Variants in ANKS1A observed in about 807,000 individuals in gnomAD.
The protein encoded by ANKS1A is ankyrin repeat and sterile alpha motif domain containing 1A.
In ANKS1A, 55 loss-of-function variants were observed where a neutral mutation model predicts 120.3. The ratio of observed to expected loss-of-function variants is 0.46; its 90% CI spans 0.37 to 0.57. ANKS1A has a LOEUF of 0.57. Ranked by LOEUF, ANKS1A falls within the 20% of genes least tolerant of loss-of-function variation. The probability of loss-of-function intolerance (pLI) is 0.00; values close to 1 mark genes in which losing one functional copy is unlikely to be tolerated. For missense variants in ANKS1A, 1,123 were observed against 1,480.3 expected, an observed-to-expected ratio of 0.76 and a Z score of 3.96; for synonymous variants, 590 against 604.7, an observed-to-expected ratio of 0.98 and a Z score of 0.36.
At chr6:34,975,252 G>A (rs572380645) in intron 3 of ANKS1A, among the ~76,000 whole-genome samples, 1 of 152,056 alleles carries the variant, frequency 6.6e-6, no homozygotes, top group African/African-American at 2.4e-5. Flanking sequence ...TCAGGGATTC[G>A]AGACCAGCCT....
intron 11 of ANKS1A, among the ~76,000 whole-genome samples, chr6:35,034,733 A>T (rs1346328777): frequency 6.6e-6 from 1 of 152,242 alleles, no homozygotes; most frequent in African/African-American, 2.4e-5. Flanking sequence ...GTGCTAGAAA[A>T]GGAAATAAAA....
At chr6:34,893,881 CAAAT>C (rs969953643) in intron 1 of ANKS1A, among the ~76,000 whole-genome samples, 5 of 151,644 alleles carry the variant, frequency 3.3e-5, no homozygotes, top group African/African-American at 9.7e-5. Context: ...TGTTAGCCAT[CAAAT>C]AAAGATTAAA....
rs1313706265 is a variant in ANKS1A, at chr6:34,924,130, T to TG, written c.197+34531_197+34532insG. Among the ~76,000 whole-genome samples the TG allele has an allele frequency of 2.0e-3, 299 of 150,306 alleles. 2 individuals are homozygous for TG. Among genetic ancestry groups the TG allele is most frequent in the African/African-American group, 6.9e-3 (282 of 40,654 alleles). Reference sequence around the variant, plus strand: ...GTGTGTGTGTGTGTGTGTGTGTGTATTTTTCTTTTCCCCTGTATTTGTGGG... The same window carrying TG: ...GTGTGTGTGTGTGTGTGTGTGTGTATGTTTTCTTTTCCCCTGTATTTGTGGG... On this transcript the variant is annotated intron_variant, in intron 1 of 23. Transcript: ENST00000360359.
rs1440218765 is a variant in ANKS1A, at chr6:35,017,853, G to A, written c.1804G>A (p.Gly602Arg). Residue 602 changes from glycine to arginine, a missense_variant, in exon 11 of 24, where the codon GGG (glycine) becomes AGG (arginine). This residue lies in a region of ANKS1A where 904 missense variants were observed against 1,130.4 expected (regional missense o/e 0.80). Coordinates refer to ENST00000360359, the MANE Select transcript of ANKS1A (RefSeq NM_015245.3). The stretch of plus-strand genomic sequence containing the variant: ...TGGTGCTGAGGAAGGAGACCGGAGT[G>A]GGGCCAGGAGCCGAGCGCCTCCCAC... ...PGGAEEGDRS[G>R]ARSRAPPTSK... 6.2e-6 allele frequency: 10 copies of A among 1,614,072 alleles called. No individual in the cohort carries two copies. Among genetic ancestry groups the A allele is most frequent in the Non-Finnish European group, 7.6e-6 (9 of 1,180,030 alleles).
chr6:34,962,182 A>G (rs1172510190), intron 1 of ANKS1A, among the ~76,000 whole-genome samples: 1 of 152,154 alleles, frequency 6.6e-6, no homozygotes, highest in Non-Finnish European at 1.5e-5. Flanking sequence ...TGTTAAAGAG[A>G]TTTAATTGCA....
At chr6:35,048,761 G>C (rs550528848) in intron 11 of ANKS1A, among the ~76,000 whole-genome samples, 6 of 152,124 alleles carry the variant, frequency 3.9e-5, no homozygotes, top group Admixed American at 1.3e-4. Context: ...CAGTCTTTAG[G>C]GTTCTCTGCA....
intron 1 of ANKS1A, among the ~76,000 whole-genome samples, chr6:34,943,600 G>T (rs1389408985): frequency 6.6e-6 from 1 of 151,972 alleles, no homozygotes; most frequent in African/African-American, 2.4e-5. Context: ...TTCCCTCCCC[G>T]TTGAACCCAT....
intron 11 of ANKS1A, among the ~76,000 whole-genome samples, chr6:35,027,460 G>A (rs914909822): frequency 2.0e-5 from 3 of 152,186 alleles, no homozygotes; most frequent in Non-Finnish European, 4.4e-5. Flanking sequence ...AGATATGAAG[G>A]TGGTCTGTGT....
At position 35,020,631 on chromosome 6, in the gene ANKS1A, C is replaced by G. The variant is rs1393504616; in HGVS notation, c.2010+2572C>G. On this transcript the variant is annotated intron_variant, in intron 11 of 23. Transcript: ENST00000360359. Reference sequence around the variant, plus strand: ...CGATTCTTCACAGGATATTTATGTCCTGTTAACATGCAGCATTTCTGGGCA... The same window carrying G: ...CGATTCTTCACAGGATATTTATGTCGTGTTAACATGCAGCATTTCTGGGCA... Among the ~76,000 whole-genome samples, 3 of 152,210 alleles carry G rather than the reference C, an allele frequency of 2.0e-5. No individual in the cohort carries two copies. The East Asian group carries it at 5.8e-4, about 29-fold the overall frequency.
chr6:35,031,875 T>C (rs1774926775), intron 11 of ANKS1A, among the ~76,000 whole-genome samples: 1 of 152,186 alleles, frequency 6.6e-6, no homozygotes, highest in Non-Finnish European at 1.5e-5. Context: ...TCCAGCTCAG[T>C]TAATTCCTAT....
chr6:34,999,792 C>A (rs566262762), intron 10 of ANKS1A, among the ~76,000 whole-genome samples: 2 of 151,986 alleles, frequency 1.3e-5, no homozygotes, highest in South Asian at 4.2e-4. Flanking sequence ...AAGAGAACAG[C>A]AGCATAAGCG....
intron 8 of ANKS1A, among the ~76,000 whole-genome samples, chr6:34,988,204 A>G (rs915953833): frequency 1.8e-4 from 28 of 152,254 alleles, no homozygotes; most frequent in African/African-American, 6.5e-4. Flanking sequence ...TTATTTACAT[A>G]TCATCTGTGG....
chr6:34,958,067 A>G (rs1280126536), intron 1 of ANKS1A, among the ~76,000 whole-genome samples: 1 of 152,240 alleles, frequency 6.6e-6, no homozygotes, highest in Admixed American at 6.5e-5. Context: ...TGGGCTTTAT[A>G]TAACATAGGA....
At chr6:35,009,676 G>A (rs1773641784) in intron 10 of ANKS1A, among the ~76,000 whole-genome samples, 2 of 151,980 alleles carry the variant, frequency 1.3e-5, no homozygotes, top group Admixed American at 6.6e-5. Flanking sequence ...GTTGAGGTGG[G>A]TGGATCACTT....
chr6:34,992,486 C>T (rs1282258953), intron 9 of ANKS1A, among the ~76,000 whole-genome samples: 1 of 152,182 alleles, frequency 6.6e-6, no homozygotes, highest in African/African-American at 2.4e-5. Context: ...ATGCCGGAGG[C>T]TATATGAGAG....
At position 35,014,690 on chromosome 6, in the gene ANKS1A, C is replaced by G. The variant is rs534482572; in HGVS notation, c.1424-2783C>G. 1.4e-4 allele frequency among the ~76,000 whole-genome samples: 22 copies of G among 152,310 alleles called. 1 individual carries two copies. Among genetic ancestry groups the G allele is most frequent in the African/African-American group, 5.3e-4 (22 of 41,570 alleles). On this transcript the variant is annotated intron_variant, in intron 10 of 23. Transcript: ENST00000360359. ...TTTCCTTTCATTGTTGGTGCCTTAG[C>G]TCCCAGTTGTTAAATATGAAGCTGG...
At chr6:34,985,799 A>G (rs1422670507) in intron 8 of ANKS1A, among the ~76,000 whole-genome samples, 1 of 152,198 alleles carries the variant, frequency 6.6e-6, no homozygotes, top group Non-Finnish European at 1.5e-5. Flanking sequence ...AGTATGTGGC[A>G]TTCCTATTTT....
At chr6:35,041,177 ACTGC>A (rs1775438493) in intron 11 of ANKS1A, among the ~76,000 whole-genome samples, 1 of 152,190 alleles carries the variant, frequency 6.6e-6, no homozygotes, top group East Asian at 1.9e-4. Flanking sequence ...GGCTCCTCTG[ACTGC>A]CTTCTCTCTA....
At chr6:35,016,170 G>C (rs1440415108) in intron 10 of ANKS1A, among the ~76,000 whole-genome samples, 3 of 152,222 alleles carry the variant, frequency 2.0e-5, no homozygotes, top group Non-Finnish European at 4.4e-5. Context: ...CACAGCTAGA[G>C]AACAGCTCAG....
Sources: allele counts gnomAD v4.1 joint callset (sites outside exome capture counted in the v4.1 genomes callset), GRCh38; gene constraint gnomAD v4.1.1; regional missense constraint gnomAD v4.1.1; transcripts MANE v1.5; gene names NCBI Gene and HGNC (gene_info 2026-07-23, HGNC 2026-07-21).